SEMA6A: variants seen among roughly 807,000 people sequenced by gnomAD.
SEMA6A encodes semaphorin 6A.
Under a neutral mutation model 96.8 loss-of-function variants are expected in SEMA6A, and 25 were observed. The ratio of observed to expected loss-of-function variants is 0.26; its 90% CI spans 0.19 to 0.36. The LOEUF is 0.36. Among genes scored for constraint, SEMA6A ranks in the 10% least tolerant of loss-of-function variants. The pLI is 1.00. For synonymous variants in SEMA6A, 612 were observed against 518.0 expected (o/e 1.18, Z -2.46); for missense variants, 1,363 against 1,323.1 (o/e 1.03, Z -0.47).
At chr5:116,460,318 TAG>T (rs1319864407) in intron 18 of SEMA6A, among the ~76,000 whole-genome samples, 1 of 152,200 alleles carries the variant, frequency 6.6e-6, no homozygotes, top group African/African-American at 2.4e-5. Flanking sequence ...TAATATTTCA[TAG>T]ACATTCTCTG....
intron 1 of SEMA6A, among the ~76,000 whole-genome samples, chr5:116,573,044 G>A (rs897347601): frequency 1.3e-5 from 2 of 152,170 alleles, no homozygotes; most frequent in African/African-American, 4.8e-5. Flanking sequence ...CGGGTCTTGC[G>A]AGGAGGGAGG....
In SEMA6A at chr5:116,452,893, C is replaced by T. The variant is rs551203438; in HGVS notation, c.1895-5082G>A. 1.5e-4 allele frequency among the ~76,000 whole-genome samples: 23 copies of T among 152,242 alleles called. No individual in the cohort carries two copies. The South Asian group carries it at 3.1e-3, about 21-fold the overall frequency. On this transcript the variant is annotated intron_variant, in intron 18 of 18. Transcript: ENST00000343348. Reference sequence around the variant, plus strand: ...ATTTACCAAGCACTGCACTAGGTGTCGGGGAAGGACAATGATGAATGAGGC... The same window carrying T: ...ATTTACCAAGCACTGCACTAGGTGTTGGGGAAGGACAATGATGAATGAGGC...
Position 116,451,049 on chromosome 5 carries a change from A to G in SEMA6A, c.1895-3238T>C, listed in dbSNP as rs148781653. ...GATAAAAGCAGCTAGAGAAGATCTC[A>G]GTGGGCTTGGAATTGCAGGCTCCCA... On this transcript the variant is annotated intron_variant, in intron 18 of 18. Coordinates refer to ENST00000343348, the MANE Select transcript of SEMA6A (RefSeq NM_020796.5). Among the ~76,000 whole-genome samples, 54 of 152,306 alleles carry G rather than the reference A, an allele frequency of 3.5e-4. No homozygotes were observed. In the East Asian group the frequency reaches 3.9e-3, roughly 11 times the overall value.
intron 7 of SEMA6A, among the ~76,000 whole-genome samples, chr5:116,490,318 T>C (rs1395214349): frequency 1.3e-5 from 2 of 152,200 alleles, no homozygotes; most frequent in African/African-American, 2.4e-5. Context: ...TATAAGACTA[T>C]AGAATATGTA....
At chr5:116,562,571 C>T (rs993807335) in intron 1 of SEMA6A, 11 of 621,628 alleles carry the variant, frequency 1.8e-5, no homozygotes, top group South Asian at 3.3e-5. Flanking sequence ...AATGGCACCT[C>T]GAAAGGGGAA....
At position 116,530,939 on chromosome 5, in the gene SEMA6A, T is replaced by C. The variant is rs115959268; in HGVS notation, c.-38-25957A>G. Among the ~76,000 whole-genome samples, 737 of 152,300 alleles carry C rather than the reference T, an allele frequency of 4.8e-3. 10 individuals carry two copies. Among genetic ancestry groups the C allele is most frequent in the African/African-American group, 0.016 (685 of 41,572 alleles). ...GTAATGACTCACTTAATCCTCACAA[T>C]AGCTTTAGATATATGCCATTATTAT... On this transcript the variant is annotated intron_variant, in intron 1 of 18. Coordinates refer to ENST00000343348, the MANE Select transcript of SEMA6A (RefSeq NM_020796.5).
In SEMA6A at chr5:116,467,480, G is replaced by A. The variant is rs542129259; in HGVS notation, c.1894+103C>T. The A allele has an allele frequency of 2.6e-6, 3 of 1,151,906 alleles. No homozygotes were observed. The Admixed American group carries it at 8.5e-5, about 33-fold the overall frequency. 71.4% of individuals were successfully genotyped at this position (1,151,906 alleles called of 1,614,324 possible). A position where few individuals can be genotyped will look rare whatever the true frequency, so the allele number is the denominator to read the frequency against. ...AAACTTTCAATCATAGCGCATTGGA[G>A]GTTCCTTAAATGCTGCCAAAATTCA... On this transcript the variant is annotated intron_variant, in intron 18 of 18. Coordinates refer to ENST00000343348, the MANE Select transcript of SEMA6A (RefSeq NM_020796.5).
intron 1 of SEMA6A, among the ~76,000 whole-genome samples, chr5:116,534,731 G>T (rs991243212): frequency 1.3e-5 from 2 of 152,182 alleles, no homozygotes; most frequent in African/African-American, 4.8e-5. Context: ...TTTTGTCCCC[G>T]CTAGGCTATG....
chr5:116,539,434 G>C (rs1373895942), intron 1 of SEMA6A, among the ~76,000 whole-genome samples: 1 of 152,172 alleles, frequency 6.6e-6, no homozygotes, highest in Non-Finnish European at 1.5e-5. Context: ...ATCATTGATA[G>C]TCATGACTTG....
chr5:116,558,945 A>T (rs1380517606), intron 1 of SEMA6A, among the ~76,000 whole-genome samples: 2 of 152,192 alleles, frequency 1.3e-5, no homozygotes, highest in African/African-American at 2.4e-5. Flanking sequence ...GAATTTAAAA[A>T]CTTTCATAAA....
At chr5:116,476,713 C>T (rs2112681505) in intron 15 of SEMA6A, among the ~76,000 whole-genome samples, 2 of 152,304 alleles carry the variant, frequency 1.3e-5, no homozygotes, top group South Asian at 4.1e-4. Context: ...ATAGAAAGGA[C>T]ATAGGTCATC....
intron 18 of SEMA6A, among the ~76,000 whole-genome samples, 183 bp from the exon 19 acceptor site, chr5:116,447,994 C>T (rs932955770): frequency 1.3e-5 from 2 of 152,028 alleles, no homozygotes; most frequent in Non-Finnish European, 2.9e-5. Context: ...CCCTCGTGTG[C>T]AGTATGTAAA....
At chr5:116,530,504 A>G (rs1264849741) in intron 1 of SEMA6A, among the ~76,000 whole-genome samples, 1 of 152,222 alleles carries the variant, frequency 6.6e-6, no homozygotes, top group Non-Finnish European at 1.5e-5. Flanking sequence ...TACCGTATTA[A>G]GATTGAAATC....
At chr5:116,457,828 C>T (rs1235734728) in intron 18 of SEMA6A, among the ~76,000 whole-genome samples, 1 of 152,150 alleles carries the variant, frequency 6.6e-6, no homozygotes, top group Non-Finnish European at 1.5e-5. Context: ...ATACACTTTG[C>T]AAGAGTTTAT....
chr5:116,464,734 C>T (rs148744346), intron 18 of SEMA6A, among the ~76,000 whole-genome samples: 11 of 152,058 alleles, frequency 7.2e-5, no homozygotes, highest in Admixed American at 3.9e-4. Flanking sequence ...TAAATCAAGA[C>T]GAAAGACATA....
intron 1 of SEMA6A, among the ~76,000 whole-genome samples, chr5:116,514,660 T>C (rs1217234218): frequency 2.0e-5 from 3 of 152,170 alleles, no homozygotes. Context: ...TCCTGACTTC[T>C]CTTAGTGAGC....
At chr5:116,473,530 A>G (rs1012853303) in intron 16 of SEMA6A, among the ~76,000 whole-genome samples, 7 of 152,206 alleles carry the variant, frequency 4.6e-5, no homozygotes, top group African/African-American at 1.2e-4. Flanking sequence ...CCAGTGTTAC[A>G]GTGTTCTGAA....
intron 18 of SEMA6A, among the ~76,000 whole-genome samples, chr5:116,460,564 G>A (rs1235294953): frequency 6.6e-6 from 1 of 152,014 alleles, no homozygotes. Context: ...TTAAAAGTAT[G>A]TCCTATGCAA....
At chr5:116,538,280 T>C (rs927674366) in intron 1 of SEMA6A, among the ~76,000 whole-genome samples, 5 of 152,114 alleles carry the variant, frequency 3.3e-5, no homozygotes, top group Non-Finnish European at 7.3e-5. Context: ...TATGGGCTCA[T>C]TGGTTTGAGT....
Sources: gnomAD v4.1 joint callset for allele counts (sites outside exome capture counted in the v4.1 genomes callset) on GRCh38, gnomAD v4.1.1 for gene constraint, MANE v1.5 for transcripts, NCBI Gene and HGNC (gene_info 2026-07-23, HGNC 2026-07-21) for gene names.